CASR: variants seen among roughly 807,000 people sequenced by gnomAD.
CASR encodes the protein calcium sensing receptor.
CASR carries 23 observed loss-of-function variants against 69.1 expected under a neutral mutation model. The ratio of observed to expected loss-of-function variants is 0.33; its 90% CI spans 0.24 to 0.47. The LOEUF is 0.47. Among genes scored for constraint, CASR ranks in the 20% least tolerant of loss-of-function variants. The probability of loss-of-function intolerance (pLI) is 1.00; values close to 1 mark genes in which losing one functional copy is unlikely to be tolerated. For missense variants in CASR, 924 were observed against 1,356.1 expected (o/e 0.68, Z 5.00); for synonymous variants, 541 against 544.7 (o/e 0.99, Z 0.10).
chr3:122,282,489 A>G (rs1402900887), intron 6 of CASR, among the ~76,000 whole-genome samples: 35 of 152,206 alleles, frequency 2.3e-4, no homozygotes, highest in Non-Finnish European at 1.5e-5. Flanking sequence ...GTCGGCCAAT[A>G]TATTTCCTTT....
chr3:122,277,033 T>C (rs1559965635), intron 5 of CASR, among the ~76,000 whole-genome samples: 1 of 150,846 alleles, frequency 6.6e-6, no homozygotes. Context: ...CCTTTGAGCA[T>C]CTTGGACCAC....
intron 2 of CASR, among the ~76,000 whole-genome samples, chr3:122,255,023 C>G (rs1403635285): frequency 2.0e-5 from 3 of 151,400 alleles, no homozygotes; most frequent in Non-Finnish European, 4.4e-5. Flanking sequence ...TCTGTGGCCA[C>G]TTGAAGAGAG....
At chr3:122,208,493 G>A (rs2074030850) in intron 1 of CASR, among the ~76,000 whole-genome samples, 1 of 152,124 alleles carries the variant, frequency 6.6e-6, no homozygotes, top group Non-Finnish European at 1.5e-5. Context: ...AAAGAGAAGT[G>A]ATGATGGGGC....
At chr3:122,244,898 A>G (rs1469923465) in intron 1 of CASR, among the ~76,000 whole-genome samples, 1 of 152,216 alleles carries the variant, frequency 6.6e-6, no homozygotes, top group Non-Finnish European at 1.5e-5. Context: ...AATAGGTGGT[A>G]AAATCTAAGT....
chr3:122,200,831 T>C (rs543202793), intron 1 of CASR, among the ~76,000 whole-genome samples: 11 of 152,286 alleles, frequency 7.2e-5, no homozygotes, highest in South Asian at 4.1e-4. Flanking sequence ...TGTTCATTAG[T>C]GTAAGAGAGA....
intron 4 of CASR, among the ~76,000 whole-genome samples, chr3:122,269,928 G>T (rs958801296): frequency 6.6e-6 from 1 of 151,972 alleles, no homozygotes; most frequent in African/African-American, 2.4e-5. Context: ...TGCAACCTCC[G>T]CCTCCCAGGT....
intron 1 of CASR, among the ~76,000 whole-genome samples, chr3:122,225,906 A>G (rs1217678936): frequency 6.6e-6 from 1 of 152,246 alleles, no homozygotes; most frequent in Non-Finnish European, 1.5e-5. Context: ...AAAAGGAACA[A>G]AATCATATCC....
chr3:122,189,569 C>T (rs1158163994), intron 1 of CASR, among the ~76,000 whole-genome samples: 2 of 152,150 alleles, frequency 1.3e-5, no homozygotes, highest in Non-Finnish European at 2.9e-5. Flanking sequence ...ATGATGGGGG[C>T]AAAGGTAATA....
intron 1 of CASR, among the ~76,000 whole-genome samples, chr3:122,250,498 C>T (rs774016638): frequency 2.0e-5 from 3 of 152,298 alleles, no homozygotes; most frequent in Non-Finnish European, 4.4e-5. Flanking sequence ...TAATTCAGTC[C>T]ATGGGACTCC....
chr3:122,240,567 C>T (rs1387281305), intron 1 of CASR, among the ~76,000 whole-genome samples: 1 of 152,066 alleles, frequency 6.6e-6, no homozygotes, highest in African/African-American at 2.4e-5. Flanking sequence ...AGAAAGAGAC[C>T]ACAGTACAAT....
chr3:122,281,620 G>A (rs2074888454), intron 5 of CASR, among the ~76,000 whole-genome samples: 1 of 151,940 alleles, frequency 6.6e-6, no homozygotes, highest in South Asian at 2.1e-4. Context: ...TTTATCTGTT[G>A]GTGATCATAT....
intron 1 of CASR, among the ~76,000 whole-genome samples, chr3:122,201,658 G>A (rs373528568): frequency 1.8e-4 from 15 of 83,558 alleles, no homozygotes; most frequent in South Asian, 5.9e-4. Flanking sequence ...CGGACGGGGC[G>A]GCTGGCCAGG....
intron 1 of CASR, among the ~76,000 whole-genome samples, chr3:122,252,445 G>GAAAGAAAGA (rs1559954401): frequency 1.5e-5 from 1 of 67,778 alleles, no homozygotes; most frequent in African/African-American, 6.6e-5. Flanking sequence ...AAGAAAGAAA[G>GAAAGAAAGA]AAAAAAAAGA....
chr3:122,227,340 C>T (rs969931244), intron 1 of CASR, among the ~76,000 whole-genome samples: 31 of 152,196 alleles, frequency 2.0e-4, no homozygotes, highest in Admixed American at 9.2e-4. Context: ...TCAGGCATGG[C>T]GGGCTGCAGG....
chr3:122,272,198 T>C (rs2074768065), intron 4 of CASR, among the ~76,000 whole-genome samples: 4 of 152,262 alleles, frequency 2.6e-5, no homozygotes, highest in South Asian at 4.1e-4. Context: ...TTTTTTCCAA[T>C]GTGGCTGCAC....
At chr3:122,283,455 G>A (rs1368153163) in intron 6 of CASR, among the ~76,000 whole-genome samples, 1 of 152,116 alleles carries the variant, frequency 6.6e-6, no homozygotes, top group East Asian at 1.9e-4. Flanking sequence ...TGTGCAAAGG[G>A]AAAACAAACT....
At chr3:122,248,052 T>C (rs994900805) in intron 1 of CASR, among the ~76,000 whole-genome samples, 1 of 152,158 alleles carries the variant, frequency 6.6e-6, no homozygotes, top group African/African-American at 2.4e-5. Flanking sequence ...GGCAAGACCA[T>C]GTGCAGCTGG....
At chr3:122,208,006 T>C (rs1450278071) in intron 1 of CASR, among the ~76,000 whole-genome samples, 1 of 152,034 alleles carries the variant, frequency 6.6e-6, no homozygotes, top group Non-Finnish European at 1.5e-5. Context: ...AATAACAAAA[T>C]GTGTTATTAT....
At chr3:122,200,226 C>T (rs2073928667) in intron 1 of CASR, among the ~76,000 whole-genome samples, 1 of 152,148 alleles carries the variant, frequency 6.6e-6, no homozygotes, top group South Asian at 2.1e-4. Context: ...ATTTTGAAAG[C>T]TCCCAACACA....
Sources: allele counts gnomAD v4.1 joint callset (sites outside exome capture counted in the v4.1 genomes callset), GRCh38; gene constraint gnomAD v4.1.1; transcripts MANE v1.5; gene names NCBI Gene and HGNC (gene_info 2026-07-23, HGNC 2026-07-21).